Variants in EGFLAM observed in about 807,000 individuals in gnomAD.
EGFLAM encodes the protein pikachurin.
A neutral mutation model predicts 113.1 loss-of-function variants in EGFLAM; 79 were observed. That is an observed-to-expected ratio of 0.70 (90% CI 0.58 to 0.84). EGFLAM has a LOEUF of 0.84. EGFLAM is among the 40% of genes least tolerant of loss of function. The probability of loss-of-function intolerance (pLI) is 0.00; values close to 1 mark genes in which losing one functional copy is unlikely to be tolerated. For missense variants in EGFLAM, 1,265 were observed against 1,291.6 expected (o/e 0.98, Z 0.32); for synonymous variants, 504 against 487.6 (o/e 1.03, Z -0.44).
intron 1 of EGFLAM, among the ~76,000 whole-genome samples, chr5:38,315,727 C>T (rs1738576136): frequency 6.6e-6 from 1 of 152,156 alleles, no homozygotes; most frequent in African/African-American, 2.4e-5. Context: ...GCTTCAGTTT[C>T]CTCATCTGTA....
At chr5:38,442,421 TA>T (rs1219815081) in intron 17 of EGFLAM, among the ~76,000 whole-genome samples, 4 of 148,152 alleles carry the variant, frequency 2.7e-5, no homozygotes, top group Admixed American at 2.7e-4. Context: ...ATTATTTTAA[TA>T]TTTTTAATTT....
At chr5:38,336,862 T>C (rs975989916) in intron 1 of EGFLAM, among the ~76,000 whole-genome samples, 6 of 152,130 alleles carry the variant, frequency 3.9e-5, no homozygotes, top group African/African-American at 1.2e-4. Context: ...TTAAATTGCA[T>C]GTGACCAACA....
chr5:38,346,491 A>T (rs1479940271), intron 3 of EGFLAM: 1 of 152,176 alleles, frequency 6.6e-6, no homozygotes, highest in Non-Finnish European at 1.5e-5. Flanking sequence ...AGTGATACCT[A>T]CCTCACGGAA....
chr5:38,362,266 G>A (rs1561294195), intron 5 of EGFLAM, among the ~76,000 whole-genome samples: 1 of 152,168 alleles, frequency 6.6e-6, no homozygotes, highest in Non-Finnish European at 1.5e-5. Context: ...AGTTCCTACT[G>A]TGATTTTATT....
chr5:38,397,320 C>T (rs1394907099), intron 6 of EGFLAM, among the ~76,000 whole-genome samples: 5 of 152,196 alleles, frequency 3.3e-5, no homozygotes, highest in African/African-American at 1.2e-4. Flanking sequence ...CACATCTTTG[C>T]AGTCCCTGAG....
intron 1 of EGFLAM, among the ~76,000 whole-genome samples, chr5:38,333,433 TC>T (rs1232463736): frequency 1.3e-5 from 2 of 152,248 alleles, no homozygotes; most frequent in Non-Finnish European, 2.9e-5. Context: ...GTATAAGAGT[TC>T]CCTTTTCTCC....
At chr5:38,410,949 G>A (rs1645907057) in intron 10 of EGFLAM, among the ~76,000 whole-genome samples, 1 of 152,220 alleles carries the variant, frequency 6.6e-6, no homozygotes, top group Non-Finnish European at 1.5e-5. Context: ...ATTCACTGTA[G>A]CTTGAATTCA....
At chr5:38,275,532 T>C (rs189557985) in intron 1 of EGFLAM, among the ~76,000 whole-genome samples, 149 of 152,272 alleles carry the variant, frequency 9.8e-4, no homozygotes, top group Admixed American at 3.3e-3. Flanking sequence ...CAGTTGTAAA[T>C]ATATGTATAC....
intron 1 of EGFLAM, among the ~76,000 whole-genome samples, chr5:38,281,143 G>T (rs1287083228): frequency 6.6e-6 from 1 of 152,178 alleles, no homozygotes; most frequent in Non-Finnish European, 1.5e-5. Context: ...CTTGTGCCTA[G>T]AGTCAACAAC....
At chr5:38,266,713 A>G (rs1211120564) in intron 1 of EGFLAM, among the ~76,000 whole-genome samples, 1 of 152,180 alleles carries the variant, frequency 6.6e-6, no homozygotes, top group Non-Finnish European at 1.5e-5. Flanking sequence ...TTGGAAAATG[A>G]GGATGATTTT....
chr5:38,434,737 T>C (rs1161809797), intron 15 of EGFLAM, among the ~76,000 whole-genome samples: 1 of 152,180 alleles, frequency 6.6e-6, no homozygotes, highest in African/African-American at 2.4e-5. Context: ...AGTGATTCTT[T>C]TCTCTTCTGC....
At chr5:38,403,989 T>A (rs964095041) in intron 6 of EGFLAM, 1 of 1,603,234 alleles carries the variant, frequency 6.2e-7, no homozygotes, top group African/African-American at 1.3e-5. Flanking sequence ...GAACACCGCC[T>A]CCCCTTTGTT....
At chr5:38,418,341 C>T in intron 12 of EGFLAM, 86 bp downstream of exon 12, 5 of 1,492,560 alleles carry the variant, frequency 3.3e-6, no homozygotes, top group Non-Finnish European at 4.5e-6. Context: ...ATGGAGGGAG[C>T]AGCAACATTA....
At chr5:38,331,592 T>A (rs1218814168) in intron 1 of EGFLAM, among the ~76,000 whole-genome samples, 1 of 152,164 alleles carries the variant, frequency 6.6e-6, no homozygotes, top group Non-Finnish European at 1.5e-5. Context: ...CTGTGCTTAC[T>A]GGTTATTTTA....
intron 6 of EGFLAM, chr5:38,403,963 G>A: frequency 1.9e-6 from 3 of 1,611,380 alleles, no homozygotes; most frequent in African/African-American, 1.3e-5. Context: ...CTGGGGAATT[G>A]GTGTGGAAGG....
chr5:38,258,708 C>A lies in EGFLAM; in HGVS notation c.-47C>A, dbSNP rs1471825246. On this transcript the variant is annotated 5_prime_UTR_variant, in exon 1 of 22. Transcript: ENST00000322350. Reference sequence around the variant, plus strand: ...CACGCGCCCCCGGAGACGCCCTTTCCGTGTGCGCCCGGGACTTGGTGAAAC... The same window carrying A: ...CACGCGCCCCCGGAGACGCCCTTTCAGTGTGCGCCCGGGACTTGGTGAAAC... 9 of 1,569,592 alleles carry A rather than the reference C, an allele frequency of 5.7e-6. No individual in the cohort carries two copies. In the South Asian group the frequency reaches 8.1e-5, roughly 14 times the overall value.
At chr5:38,424,481 G>A (rs1741934176) in intron 12 of EGFLAM, among the ~76,000 whole-genome samples, 1 of 152,218 alleles carries the variant, frequency 6.6e-6, no homozygotes, top group Non-Finnish European at 1.5e-5. Flanking sequence ...CTTAGACGTG[G>A]CTGGGTAACT....
intron 1 of EGFLAM, among the ~76,000 whole-genome samples, chr5:38,274,566 G>C (rs1757841238): frequency 6.7e-6 from 1 of 149,620 alleles, no homozygotes; most frequent in Non-Finnish European, 1.5e-5. Flanking sequence ...AGTTTTGAAG[G>C]AGAAAAAACT....
At chr5:38,433,000 T>C (rs1742233888) in intron 15 of EGFLAM, among the ~76,000 whole-genome samples, 1 of 152,214 alleles carries the variant, frequency 6.6e-6, no homozygotes, top group Admixed American at 6.5e-5. Flanking sequence ...GGTGTGGCTT[T>C]GGTGTGTGCA....
Sources: gnomAD v4.1 joint callset for allele counts (sites outside exome capture counted in the v4.1 genomes callset) on GRCh38, gnomAD v4.1.1 for gene constraint, MANE v1.5 for transcripts, NCBI Gene and HGNC (gene_info 2026-07-23, HGNC 2026-07-21) for gene names.